The following CPM variants were observed in gnomAD, a reference collection of about 807,000 sequenced individuals.
The protein encoded by CPM is renal carboxypeptidase.
Under a neutral mutation model 46.4 loss-of-function variants are expected in CPM, and 35 were observed. The ratio of observed to expected loss-of-function variants is 0.75; its 90% confidence interval spans 0.58 to 1.00. The LOEUF is 1.00. CPM is among the 50% of genes least tolerant of loss of function. CPM has a pLI of 0.00. For synonymous variants in CPM, 195 were observed against 195.3 expected, an observed-to-expected ratio of 1.00 and a Z score of 0.01; for missense variants, 422 against 530.4, an observed-to-expected ratio of 0.80 and a Z score of 2.01.
chr12:68,892,933 A>G (rs996567566), intron 2 of CPM, among the ~76,000 whole-genome samples: 3 of 152,098 alleles, frequency 2.0e-5, no homozygotes, highest in African/African-American at 7.2e-5. Flanking sequence ...ACATGGACAC[A>G]GGGAGGGGAA....
At chr12:68,925,043 G>A (rs946803055) in intron 2 of CPM, among the ~76,000 whole-genome samples, 5 of 152,140 alleles carry the variant, frequency 3.3e-5, no homozygotes, top group Non-Finnish European at 7.3e-5. Flanking sequence ...AAAGGGGCAA[G>A]AGAAATAAAT....
chr12:68,919,903 T>A (rs1887963627), intron 2 of CPM, among the ~76,000 whole-genome samples: 1 of 152,226 alleles, frequency 6.6e-6, no homozygotes, highest in African/African-American at 2.4e-5. Flanking sequence ...AGTTTAGATA[T>A]TTGTTCCCCC....
intron 1 of CPM, among the ~76,000 whole-genome samples, chr12:68,943,138 G>A (rs868687470): frequency 6.6e-6 from 1 of 152,158 alleles, no homozygotes; most frequent in Non-Finnish European, 1.5e-5. Context: ...TAAAAGTAAG[G>A]TCTGTGGAAC....
At chr12:68,954,780 C>A (rs1034324218) in intron 1 of CPM, among the ~76,000 whole-genome samples, 5 of 152,200 alleles carry the variant, frequency 3.3e-5, no homozygotes, top group African/African-American at 1.2e-4. Context: ...GTGTTTATAT[C>A]TTGGCTTCTG....
At chr12:68,895,179 G>A (rs1459134405) in intron 2 of CPM, among the ~76,000 whole-genome samples, 3 of 151,992 alleles carry the variant, frequency 2.0e-5, no homozygotes, top group Non-Finnish European at 4.4e-5. Context: ...AAAGACCTCA[G>A]TGGTGGGTTG....
intron 1 of CPM, among the ~76,000 whole-genome samples, chr12:68,947,939 A>G (rs1193738181): frequency 6.6e-6 from 1 of 152,206 alleles, no homozygotes; most frequent in African/African-American, 2.4e-5. Context: ...CCACTCGCCA[A>G]ACAGCTCTAA....
At chr12:68,954,821 AT>A (rs1199924682) in intron 1 of CPM, among the ~76,000 whole-genome samples, 4 of 152,148 alleles carry the variant, frequency 2.6e-5, no homozygotes, top group Non-Finnish European at 4.4e-5. Context: ...CTGCCATCTA[AT>A]TTTCAAACAG....
At position 68,855,676 on chromosome 12, in the gene CPM, T is replaced by C. The variant is rs1209193712; in HGVS notation, c.*761A>G. 2.6e-5 allele frequency: 4 copies of C among 152,050 alleles called. No homozygotes were observed. The highest frequency in any genetic ancestry group is 2.6e-4 in the Admixed American group (4 of 15,252). The allele number at this position is 152,050 out of a possible 1,614,324, so 9.4% of individuals were successfully genotyped here. A position where few individuals can be genotyped will look rare whatever the true frequency, so the allele number is the denominator to read the frequency against. ...TCCCTTCTTCTGAGAACTAATTATA[T>C]ATGGCACTTAATATCTATTCACATG... On this transcript the variant is annotated 3_prime_UTR_variant, in exon 9 of 9. Coordinates refer to ENST00000551568, the MANE Select transcript of CPM (RefSeq NM_198320.5).
intron 2 of CPM, among the ~76,000 whole-genome samples, chr12:68,892,679 G>A (rs991644730): frequency 2.6e-5 from 4 of 152,102 alleles, no homozygotes; most frequent in Admixed American, 1.3e-4. Context: ...GCCTAACATC[G>A]CGAAACCCTG....
intron 1 of CPM, among the ~76,000 whole-genome samples, chr12:68,946,328 A>G (rs758268917): frequency 6.6e-6 from 1 of 152,344 alleles, no homozygotes; most frequent in African/African-American, 2.4e-5. Flanking sequence ...CATGAAACAT[A>G]ACATGAATAA....
intron 1 of CPM, among the ~76,000 whole-genome samples, chr12:68,950,853 C>A (rs2061682968): frequency 6.6e-6 from 1 of 152,200 alleles, no homozygotes; most frequent in Non-Finnish European, 1.5e-5. Flanking sequence ...CAGCTCTTCC[C>A]CACAGGCTCC....
At chr12:68,864,751 C>T (rs1196239201) in intron 7 of CPM, among the ~76,000 whole-genome samples, 1 of 152,172 alleles carries the variant, frequency 6.6e-6, no homozygotes, top group East Asian at 1.9e-4. Context: ...GTGGCTCACA[C>T]CTGGGATCCC....
intron 1 of CPM, among the ~76,000 whole-genome samples, chr12:68,955,312 G>A (rs1040896268): frequency 2.6e-5 from 4 of 152,152 alleles, no homozygotes; most frequent in Non-Finnish European, 4.4e-5. Flanking sequence ...AAAAAAATTT[G>A]TAAAACAAAG....
At chr12:68,934,587 T>A (rs981756838), upstream of CPM, among the ~76,000 whole-genome samples, 2 of 152,098 alleles carry the variant, frequency 1.3e-5, no homozygotes, top group Non-Finnish European at 2.9e-5. Flanking sequence ...CATCCTTTTT[T>A]ATGGCTGCAT....
chr12:68,938,213 T>C (rs1888702455), intron 1 of CPM, among the ~76,000 whole-genome samples: 1 of 152,140 alleles, frequency 6.6e-6, no homozygotes, highest in Non-Finnish European at 1.5e-5. Flanking sequence ...AAGAAAAATT[T>C]TAAACTTACA....
At chr12:68,869,682 C>G (rs1885603734) in intron 5 of CPM, among the ~76,000 whole-genome samples, 187 bp from the exon 6 acceptor site, 1 of 152,060 alleles carries the variant, frequency 6.6e-6, no homozygotes, top group African/African-American at 2.4e-5. Flanking sequence ...GTGATAGCCC[C>G]CAAATAAGTC....
At chr12:68,884,110 GAAAAAAAA>G (rs35514888) in intron 3 of CPM, among the ~76,000 whole-genome samples, 1 of 63,862 alleles carries the variant, frequency 1.6e-5, no homozygotes, top group Non-Finnish European at 2.8e-5. Context: ...AATTCCATCG[GAAAAAAAA>G]AAAAAAAAAA....
intron 8 of CPM, among the ~76,000 whole-genome samples, chr12:68,857,040 C>T (rs1013249791): frequency 1.3e-5 from 2 of 152,190 alleles, no homozygotes; most frequent in Non-Finnish European, 2.9e-5. Context: ...GTGTATTTAA[C>T]ATCCTCCTTG....
intron 7 of CPM, among the ~76,000 whole-genome samples, chr12:68,865,981 G>A (rs575737755): frequency 6.6e-6 from 1 of 152,272 alleles, no homozygotes; most frequent in African/African-American, 2.4e-5. Flanking sequence ...TCCACTGCAC[G>A]TTTGAAAGCT....
Sources: gnomAD v4.1 joint callset for allele counts (sites outside exome capture counted in the v4.1 genomes callset) on GRCh38, gnomAD v4.1.1 for gene constraint, MANE v1.5 for transcripts, NCBI Gene and HGNC (gene_info 2026-07-23, HGNC 2026-07-21) for gene names.